The following C1orf21 variants were observed in gnomAD, a reference collection of about 807,000 sequenced individuals.
C1orf21 encodes the protein chromosome 1 open reading frame 21, also known as uncharacterized protein C1orf21.
C1orf21 carries 3 observed loss-of-function variants against 18.7 expected under a neutral mutation model. That is an observed-to-expected ratio of 0.16 (90% CI 0.07 to 0.42). The LOEUF (loss-of-function observed/expected upper bound fraction) is 0.42, where lower values mean the gene tolerates loss of function less well. Among genes scored for constraint, C1orf21 ranks in the 10% least tolerant of loss-of-function variants. The pLI is 0.99. For synonymous variants in C1orf21, 41 were observed against 46.4 expected (o/e 0.88, Z 0.47); for missense variants, 104 against 143.6 (o/e 0.72, Z 1.41).
intron 3 of C1orf21, among the ~76,000 whole-genome samples, chr1:184,584,828 A>G (rs1022894213): frequency 1.3e-5 from 2 of 152,232 alleles, no homozygotes; most frequent in Non-Finnish European, 2.9e-5. Context: ...AAAAGGCTAA[A>G]TATTGTGTGA....
chr1:184,568,631 TA>T, intron 3 of C1orf21: 4 of 288,072 alleles, frequency 1.4e-5, no homozygotes, highest in South Asian at 1.3e-4. Flanking sequence ...ACCTATTTTT[TA>T]AAAAACACCC....
intron 3 of C1orf21, among the ~76,000 whole-genome samples, chr1:184,534,344 A>C (rs772222519): frequency 2.6e-5 from 4 of 152,214 alleles, no homozygotes; most frequent in Non-Finnish European, 5.9e-5. Flanking sequence ...GGTGGAATTT[A>C]GATTTTCATT....
chr1:184,450,222 C>T (rs904749096), intron 1 of C1orf21, among the ~76,000 whole-genome samples: 1 of 152,102 alleles, frequency 6.6e-6, no homozygotes, highest in Non-Finnish European at 1.5e-5. Context: ...TTATGGGATT[C>T]TCCATGTCAG....
At chr1:184,521,172 A>G (rs1016109126) in intron 3 of C1orf21, among the ~76,000 whole-genome samples, 1 of 152,166 alleles carries the variant, frequency 6.6e-6, no homozygotes, top group African/African-American at 2.4e-5. Context: ...GGTGTGAGCC[A>G]CTCACTGCAC....
intron 1 of C1orf21, among the ~76,000 whole-genome samples, chr1:184,452,911 T>G (rs1657143909): frequency 6.6e-6 from 1 of 152,178 alleles, no homozygotes; most frequent in Non-Finnish European, 1.5e-5. Context: ...CTCTATTGTT[T>G]ATGCCTTAAA....
At chr1:184,479,093 A>G (rs1657614931) in intron 2 of C1orf21, among the ~76,000 whole-genome samples, 2 of 152,224 alleles carry the variant, frequency 1.3e-5, no homozygotes, top group African/African-American at 4.8e-5. Flanking sequence ...TGTTCCAAGG[A>G]GATGCACTAA....
chr1:184,478,605 C>T (rs373515743), intron 2 of C1orf21, among the ~76,000 whole-genome samples: 10 of 152,170 alleles, frequency 6.6e-5, no homozygotes, highest in Admixed American at 3.9e-4. Context: ...AACGCTTCCC[C>T]GGTGCATGCA....
At chr1:184,423,214 G>C (rs558113717) in intron 1 of C1orf21, among the ~76,000 whole-genome samples, 7 of 152,284 alleles carry the variant, frequency 4.6e-5, no homozygotes, top group African/African-American at 1.7e-4. Context: ...ACTTGTTGGA[G>C]GTGCAGAAAT....
intron 3 of C1orf21, among the ~76,000 whole-genome samples, chr1:184,516,565 A>T (rs1658231743): frequency 6.6e-6 from 1 of 152,216 alleles, no homozygotes; most frequent in Non-Finnish European, 1.5e-5. Context: ...GGGAAGCTTC[A>T]CAATCATGGC....
At chr1:184,465,482 A>C (rs1240479718) in intron 1 of C1orf21, among the ~76,000 whole-genome samples, 1 of 152,226 alleles carries the variant, frequency 6.6e-6, no homozygotes, top group African/African-American at 2.4e-5. Flanking sequence ...TTTAGATTTT[A>C]ATTTAGATTC....
chr1:184,433,137 G>A (rs551267976), intron 1 of C1orf21, among the ~76,000 whole-genome samples: 2 of 152,330 alleles, frequency 1.3e-5, no homozygotes, highest in Admixed American at 1.3e-4. Context: ...CCTCAGTGGT[G>A]TAGCAGGTCT....
chr1:184,427,082 A>G (rs1220150914), intron 1 of C1orf21, among the ~76,000 whole-genome samples: 1 of 152,120 alleles, frequency 6.6e-6, no homozygotes, highest in Non-Finnish European at 1.5e-5. Flanking sequence ...TTATTTTACC[A>G]TTTTATTCAC....
chr1:184,460,254 C>G (rs1657281347), intron 1 of C1orf21, among the ~76,000 whole-genome samples: 1 of 152,122 alleles, frequency 6.6e-6, no homozygotes, highest in Non-Finnish European at 1.5e-5. Context: ...CAGTAAATCC[C>G]CCAAATCCCA....
At chr1:184,396,711 A>G (rs531407150) in intron 1 of C1orf21, among the ~76,000 whole-genome samples, 81 of 152,216 alleles carry the variant, frequency 5.3e-4, no homozygotes, top group African/African-American at 1.4e-3. Flanking sequence ...ATGAGGTCAA[A>G]TCCCTCTATT....
chr1:184,409,925 G>A (rs1168162017), intron 1 of C1orf21, among the ~76,000 whole-genome samples: 2 of 152,152 alleles, frequency 1.3e-5, no homozygotes, highest in Admixed American at 1.3e-4. Flanking sequence ...CAGCAGAATA[G>A]GGATTCATGT....
intron 5 of C1orf21, chr1:184,599,513 A>G (rs1005796941): frequency 1.3e-5 from 2 of 152,216 alleles, no homozygotes; most frequent in African/African-American, 4.8e-5. Context: ...AAGGTCACCA[A>G]TGCGAAAAAT....
intron 1 of C1orf21, among the ~76,000 whole-genome samples, chr1:184,439,307 C>T (rs1174758892): frequency 6.6e-6 from 1 of 151,866 alleles, no homozygotes; most frequent in Non-Finnish European, 1.5e-5. Flanking sequence ...AGGTTTGGGT[C>T]CTGGCTCTGC....
chr1:184,462,584 C>T (rs1657323746), intron 1 of C1orf21, among the ~76,000 whole-genome samples: 1 of 152,110 alleles, frequency 6.6e-6, no homozygotes, highest in African/African-American at 2.4e-5. Flanking sequence ...GAACCTTGAA[C>T]ACAGTATTTG....
intron 2 of C1orf21, among the ~76,000 whole-genome samples, chr1:184,487,250 G>T (rs554668069): frequency 1.3e-5 from 2 of 152,284 alleles, no homozygotes; most frequent in East Asian, 3.9e-4. Context: ...CCCCTACCTG[G>T]CCCCTGGGCC....
Sources: allele counts gnomAD v4.1 joint callset (sites outside exome capture counted in the v4.1 genomes callset), GRCh38; gene constraint gnomAD v4.1.1; transcripts MANE v1.5; gene names NCBI Gene and HGNC (gene_info 2026-07-23, HGNC 2026-07-21).